SYNJ2BP: variants seen among roughly 807,000 people sequenced by gnomAD.
SYNJ2BP encodes synaptojanin 2 binding protein.
Under a neutral mutation model 16.9 loss-of-function variants are expected in SYNJ2BP, and 10 were observed. The observed-to-expected ratio is 0.59, with a 90% CI of 0.36 to 1.00. The LOEUF (loss-of-function observed/expected upper bound fraction) is 1.00. SYNJ2BP is among the 50% of genes least tolerant of loss of function. The pLI is 0.01. For missense variants in SYNJ2BP, 162 were observed against 186.7 expected (o/e 0.87, Z 0.77); for synonymous variants, 54 against 68.4 (o/e 0.79, Z 1.04).
intron 1 of SYNJ2BP, among the ~76,000 whole-genome samples, chr14:70,412,734 A>C (rs1373360138): frequency 2.6e-5 from 4 of 152,006 alleles, no homozygotes; most frequent in African/African-American, 9.7e-5. Flanking sequence ...AAGTAAGAAA[A>C]TAAATATTCT....
At chr14:70,394,320 G>A (rs148596874) in intron 1 of SYNJ2BP, among the ~76,000 whole-genome samples, 3 of 152,130 alleles carry the variant, frequency 2.0e-5, no homozygotes, top group African/African-American at 4.8e-5. Context: ...TATGAAGGGT[G>A]AAAAAAGAAC....
chr14:70,393,485 A>G (rs1478531240), intron 1 of SYNJ2BP, among the ~76,000 whole-genome samples: 17 of 152,234 alleles, frequency 1.1e-4, no homozygotes, highest in Non-Finnish European at 2.9e-5. Flanking sequence ...TCATTCTACT[A>G]TAAACACACA....
chr14:70,416,901 T>C lies in SYNJ2BP; in HGVS notation c.63A>G (p.Ser21=), dbSNP rs983113493. ...EEEINLTRGP[S]GLGFNIVGGT... Reference sequence around the variant, plus strand: ...AGATATGACCCTTTCCGCACATACCTGAGGGCCCTCTGGTAAGATTGATCT... The same window carrying C: ...AGATATGACCCTTTCCGCACATACCCGAGGGCCCTCTGGTAAGATTGATCT... Residue 21 remains serine, a splice_region_variant and synonymous_variant, in exon 1 of 4, where the codon TCA becomes TCG. Transcript: ENST00000256366. The C allele has an allele frequency of 6.2e-7, 1 of 1,614,164 alleles. No homozygotes were observed. The highest frequency in any genetic ancestry group is 8.5e-7 in the Non-Finnish European group (1 of 1,180,030).
intron 1 of SYNJ2BP, among the ~76,000 whole-genome samples, chr14:70,406,138 A>G (rs1432153367): frequency 1.3e-5 from 2 of 152,230 alleles, no homozygotes; most frequent in Non-Finnish European, 2.9e-5. Context: ...TATAGTAGGT[A>G]GCCAGTCAGG....
At chr14:70,395,597 AC>A (rs1337564332) in intron 1 of SYNJ2BP, among the ~76,000 whole-genome samples, 1 of 152,030 alleles carries the variant, frequency 6.6e-6, no homozygotes, top group Non-Finnish European at 1.5e-5. Flanking sequence ...TGGATACACA[AC>A]CCCCCTGTCT....
intron 1 of SYNJ2BP, among the ~76,000 whole-genome samples, chr14:70,389,045 A>C (rs577408267): frequency 4.7e-4 from 71 of 151,998 alleles, no homozygotes; most frequent in South Asian, 4.0e-3. Context: ...GGCCTCAAGC[A>C]ATCACTATTG....
At chr14:70,407,890 T>A (rs1195791755) in intron 1 of SYNJ2BP, among the ~76,000 whole-genome samples, 1 of 152,210 alleles carries the variant, frequency 6.6e-6, no homozygotes, top group Non-Finnish European at 1.5e-5. Context: ...ATTACCCTAT[T>A]GCAATATTCG....
chr14:70,390,512 C>CA (rs1887957134), intron 1 of SYNJ2BP, among the ~76,000 whole-genome samples: 1 of 151,812 alleles, frequency 6.6e-6, no homozygotes, highest in East Asian at 1.9e-4. Context: ...ACTAAAAATA[C>CA]AAAAAATCAC....
chr14:70,390,892 G>C (rs556669769), intron 1 of SYNJ2BP, among the ~76,000 whole-genome samples: 11 of 152,254 alleles, frequency 7.2e-5, no homozygotes, highest in Non-Finnish European at 1.5e-4. Context: ...CCAGCACTTT[G>C]GGAGGCCAAG....
intron 3 of SYNJ2BP, among the ~76,000 whole-genome samples, 171 bp downstream of exon 3, chr14:70,375,505 G>A (rs1887610811): frequency 1.3e-5 from 2 of 152,128 alleles, no homozygotes; most frequent in Admixed American, 1.3e-4. Flanking sequence ...TGGCCTGAAT[G>A]TCCTTCAATG....
At chr14:70,397,438 T>G (rs745943040) in intron 1 of SYNJ2BP, among the ~76,000 whole-genome samples, 3 of 152,230 alleles carry the variant, frequency 2.0e-5, no homozygotes, top group Non-Finnish European at 2.9e-5. Context: ...CAACATTTGC[T>G]TGATACATTT....
chr14:70,380,730 A>G (rs757116876), intron 2 of SYNJ2BP, among the ~76,000 whole-genome samples: 3 of 152,090 alleles, frequency 2.0e-5, no homozygotes, highest in African/African-American at 4.8e-5. Flanking sequence ...ATTCATTTGT[A>G]TATACAGAAG....
At chr14:70,398,512 A>T (rs550212289) in intron 1 of SYNJ2BP, among the ~76,000 whole-genome samples, 3 of 152,166 alleles carry the variant, frequency 2.0e-5, no homozygotes, top group Non-Finnish European at 4.4e-5. Flanking sequence ...GTGTGTCAGC[A>T]CTGCCCTAAG....
intron 3 of SYNJ2BP, among the ~76,000 whole-genome samples, chr14:70,374,868 C>T (rs147151434): frequency 5.3e-5 from 8 of 151,984 alleles, no homozygotes; most frequent in Admixed American, 2.0e-4. Flanking sequence ...AAATTGGCTA[C>T]GTTTTTTTAC....
intron 2 of SYNJ2BP, among the ~76,000 whole-genome samples, chr14:70,380,818 T>C (rs1887733353): frequency 6.6e-6 from 1 of 152,194 alleles, no homozygotes; most frequent in Non-Finnish European, 1.5e-5. Context: ...TCACTAGATA[T>C]GACTGATTTA....
chr14:70,399,152 A>C (rs1445779958), intron 1 of SYNJ2BP, among the ~76,000 whole-genome samples: 2 of 152,046 alleles, frequency 1.3e-5, no homozygotes, highest in Middle Eastern at 3.4e-3. Context: ...CCCACTTCCC[A>C]CCCTGGGGCC....
chr14:70,376,386 TA>T (rs1019170198), intron 2 of SYNJ2BP, among the ~76,000 whole-genome samples: 25 of 152,326 alleles, frequency 1.6e-4, no homozygotes, highest in African/African-American at 5.5e-4. Context: ...TATAAATCCT[TA>T]AAAAAATTTC....
At chr14:70,387,830 C>CAAA (rs1224467128) in intron 2 of SYNJ2BP, among the ~76,000 whole-genome samples, 6,763 of 98,050 alleles carry the variant, frequency 0.069, 230 homozygotes, top group Middle Eastern at 0.13. Flanking sequence ...GAATCTATCT[C>CAAA]AAAAAAAAAA....
intron 1 of SYNJ2BP, among the ~76,000 whole-genome samples, chr14:70,396,291 G>C (rs1345043905): frequency 6.6e-6 from 1 of 151,938 alleles, no homozygotes; most frequent in East Asian, 1.9e-4. Context: ...CTAATTTTTG[G>C]TATTTTTAGT....
Sources: gnomAD v4.1 joint callset for allele counts (sites outside exome capture counted in the v4.1 genomes callset) on GRCh38, gnomAD v4.1.1 for gene constraint, MANE v1.5 for transcripts, NCBI Gene and HGNC (gene_info 2026-07-23, HGNC 2026-07-21) for gene names.